Variants in ARHGAP15 observed in about 807,000 individuals in gnomAD.
ARHGAP15 encodes the protein Rho GTPase activating protein 15, also known as rho GTPase-activating protein 15.
Under a neutral mutation model 63.7 loss-of-function variants are expected in ARHGAP15, and 51 were observed. That is an observed-to-expected ratio of 0.80 (90% CI 0.64 to 1.01). ARHGAP15 has a LOEUF of 1.01. Among genes scored for constraint, ARHGAP15 ranks in the 50% least tolerant of loss-of-function variants. The pLI is 0.00. For missense variants in ARHGAP15, 560 were observed against 564.6 expected (o/e 0.99, Z 0.08); for synonymous variants, 191 against 193.8 (o/e 0.99, Z 0.12).
chr2:143,753,238 T>C (rs768397286), intron 13 of ARHGAP15, among the ~76,000 whole-genome samples: 4 of 152,204 alleles, frequency 2.6e-5, no homozygotes, highest in Non-Finnish European at 5.9e-5. Flanking sequence ...GTGAAGAAGA[T>C]AGCTGGCAGC....
chr2:143,417,487 T>C lies in ARHGAP15; in HGVS notation c.475-18114T>C, dbSNP rs558134419. On this transcript the variant is annotated intron_variant, in intron 6 of 13. Transcript: ENST00000295095. Reference sequence around the variant, plus strand: ...ACTTGTCTGTACTTAATATGGATAATTAGATACTCTTTACTAGGTACTTTG... The same window carrying C: ...ACTTGTCTGTACTTAATATGGATAACTAGATACTCTTTACTAGGTACTTTG... Among the ~76,000 whole-genome samples the C allele has an allele frequency of 1.4e-4, 21 of 152,302 alleles. 1 individual carries two copies. The South Asian group carries it at 2.7e-3, about 20-fold the overall frequency.
rs1443053520 is a variant in ARHGAP15 at position 143,483,314 on chromosome 2, CAT to C, written c.704-4058_704-4057del. Among the ~76,000 whole-genome samples the C allele has an allele frequency of 1.3e-5, 2 of 152,124 alleles. 1 individual carries two copies. Among genetic ancestry groups the C allele is most frequent in the African/African-American group, 4.8e-5 (2 of 41,496 alleles). ...TTTTCATAATCTAGCATTTATACGT[CAT>C]GTGTGTATATTTTAATTTGCAAAGT... On this transcript the variant is annotated intron_variant, in intron 8 of 13. Coordinates refer to ENST00000295095, the MANE Select transcript of ARHGAP15 (RefSeq NM_018460.4).
In ARHGAP15 at chr2:143,496,156, G is replaced by A. The variant is rs143109933; in HGVS notation, c.826+8661G>A. Among the ~76,000 whole-genome samples, 234 of 152,184 alleles carry A rather than the reference G, an allele frequency of 1.5e-3. 1 individual carries two copies. The highest frequency in any genetic ancestry group is 5.2e-3 in the African/African-American group (214 of 41,498). ...CATTTATAGTTCTCAGGCAGTTTCTGTTATTTAAAGGCTCTTGGGAGCAAA... is the reference window on the plus strand; with the variant it reads ...CATTTATAGTTCTCAGGCAGTTTCTATTATTTAAAGGCTCTTGGGAGCAAA... On this transcript the variant is annotated intron_variant, in intron 9 of 13. Transcript: ENST00000295095.
chr2:143,539,262 TTC>T (rs1324956610), intron 10 of ARHGAP15, among the ~76,000 whole-genome samples: 1 of 152,212 alleles, frequency 6.6e-6, no homozygotes, highest in African/African-American at 2.4e-5. Flanking sequence ...TATTTGATTC[TTC>T]TCTCTTTTCT....
intron 6 of ARHGAP15, among the ~76,000 whole-genome samples, chr2:143,407,802 G>A (rs1235761575): frequency 2.0e-5 from 3 of 150,106 alleles, no homozygotes; most frequent in African/African-American, 7.3e-5. Flanking sequence ...ATTCTTTTGG[G>A]CTCTCAGTAT....
chr2:143,591,020 T>C (rs1697299994), intron 11 of ARHGAP15, among the ~76,000 whole-genome samples: 2 of 152,192 alleles, frequency 1.3e-5, no homozygotes, highest in Admixed American at 1.3e-4. Context: ...CTTTTTATCA[T>C]TTATTTCCTA....
At chr2:143,740,940 AAGGCG>A (rs1368111267) in intron 13 of ARHGAP15, 2 of 152,200 alleles carry the variant, frequency 1.3e-5, no homozygotes, top group Non-Finnish European at 2.9e-5. Context: ...AAGAAAAAGA[AAGGCG>A]AGGATTTAGC....
chr2:143,615,653 T>C (rs1263765728), intron 11 of ARHGAP15, among the ~76,000 whole-genome samples: 1 of 152,188 alleles, frequency 6.6e-6, no homozygotes, highest in African/African-American at 2.4e-5. Flanking sequence ...CTAGATATCA[T>C]TAAGAGATAG....
chr2:143,240,098 C>G (rs994460712), intron 5 of ARHGAP15, among the ~76,000 whole-genome samples: 1 of 148,764 alleles, frequency 6.7e-6, no homozygotes, highest in Non-Finnish European at 1.5e-5. Flanking sequence ...ATCACTTGAA[C>G]CCAGGTGTTT....
At chr2:143,442,309 T>G (rs193003618) in intron 8 of ARHGAP15, among the ~76,000 whole-genome samples, 8 of 152,292 alleles carry the variant, frequency 5.3e-5, no homozygotes, top group Non-Finnish European at 7.4e-5. Context: ...TTGAACTTTC[T>G]GCAGTCACTT....
Position 143,731,825 on chromosome 2 carries a change from T to C in ARHGAP15, c.1244+28301T>C, listed in dbSNP as rs150724193. Among the ~76,000 whole-genome samples, 454 of 152,342 alleles carry C rather than the reference T, an allele frequency of 3.0e-3. 3 individuals carry two copies. The highest frequency in any genetic ancestry group is 0.01 in the African/African-American group (424 of 41,574). On this transcript the variant is annotated intron_variant, in intron 13 of 13. Transcript: ENST00000295095. Reference sequence around the variant, plus strand: ...CCATATCTTGCTGAAAAATTTTAAATACATGTTCTCAATTCAACAACCATG... The same window carrying C: ...CCATATCTTGCTGAAAAATTTTAAACACATGTTCTCAATTCAACAACCATG...
At chr2:143,638,502 G>A (rs1179134676) in intron 12 of ARHGAP15, among the ~76,000 whole-genome samples, 4 of 112,398 alleles carry the variant, frequency 3.6e-5, no homozygotes, top group Admixed American at 9.7e-5. Flanking sequence ...GGACTGTGGT[G>A]GGGTGGGGGG....
chr2:143,169,658 A>T (rs1033176591), intron 2 of ARHGAP15, among the ~76,000 whole-genome samples: 1 of 151,930 alleles, frequency 6.6e-6, no homozygotes, highest in Non-Finnish European at 1.5e-5. Context: ...TTGAATTGCC[A>T]ATGACAAATC....
At chr2:143,741,623 T>C (rs1452797892) in intron 13 of ARHGAP15, among the ~76,000 whole-genome samples, 1 of 152,184 alleles carries the variant, frequency 6.6e-6, no homozygotes, top group Non-Finnish European at 1.5e-5. Context: ...AATGGAGACT[T>C]GGGCCTTCAA....
chr2:143,666,408 A>G (rs1024469421), intron 12 of ARHGAP15, among the ~76,000 whole-genome samples: 2 of 152,164 alleles, frequency 1.3e-5, no homozygotes, highest in African/African-American at 4.8e-5. Flanking sequence ...CACCTTATAC[A>G]AAAATCAATT....
Position 143,624,185 on chromosome 2 carries a change from C to A in ARHGAP15, c.1056C>A (p.Thr352=), listed in dbSNP as rs149563619. 4 of 1,613,390 alleles carry A rather than the reference C, an allele frequency of 2.5e-6. No homozygotes were observed. The African/African-American group carries it at 5.3e-5, about 22-fold the overall frequency. Reference sequence around the variant, plus strand: ...AGTGGGAGGACATCCACGTTGTCACCGGAGCACTGAAGATGTTTTTCCGGG... The same window carrying A: ...AGTGGGAGGACATCCACGTTGTCACAGGAGCACTGAAGATGTTTTTCCGGG... ...DSQWEDIHVV[T]GALKMFFREL... Residue 352 remains threonine (T), a synonymous_variant, in exon 12 of 14, where the codon ACC becomes ACA. Transcript: ENST00000295095.
rs143519183 is a variant in ARHGAP15, at chr2:143,140,030, C to T, written c.-15+10564C>T. Among the ~76,000 whole-genome samples, 47 of 152,202 alleles carry T rather than the reference C, an allele frequency of 3.1e-4. No individual in the cohort carries two copies. In the East Asian group the frequency reaches 6.8e-3, roughly 22 times the overall value. The stretch of plus-strand genomic sequence containing the variant: ...AGTAAATCACTTTAAAAAGGTTAAA[C>T]GCGGTGGTAAGAGTAGCAGTAGTAA... On this transcript the variant is annotated intron_variant, in intron 1 of 13. Transcript: ENST00000295095.
At chr2:143,242,551 C>A (rs1196325783) in intron 5 of ARHGAP15, among the ~76,000 whole-genome samples, 1 of 152,114 alleles carries the variant, frequency 6.6e-6, no homozygotes, top group Non-Finnish European at 1.5e-5. Flanking sequence ...TCCTCAAAAA[C>A]AAACAAAAAG....
chr2:143,168,340 G>A (rs1184174625), intron 2 of ARHGAP15, among the ~76,000 whole-genome samples: 1 of 151,952 alleles, frequency 6.6e-6, no homozygotes, highest in East Asian at 1.9e-4. Context: ...ATCAATCCTG[G>A]CTGTTTTTCA....
Sources: gnomAD v4.1 joint callset for allele counts (sites outside exome capture counted in the v4.1 genomes callset) on GRCh38, gnomAD v4.1.1 for gene constraint, MANE v1.5 for transcripts, NCBI Gene and HGNC (gene_info 2026-07-23, HGNC 2026-07-21) for gene names.